CD99L2: variants seen among roughly 807,000 people sequenced by gnomAD.
The protein encoded by CD99L2 is CD99 molecule like 2, also known as CD99 antigen-like protein 2.
Under a neutral mutation model 27.3 loss-of-function variants are expected in CD99L2, and 24 were observed. The observed-to-expected ratio is 0.88, with a 90% confidence interval of 0.64 to 1.24. The LOEUF is 1.24. CD99L2 is among the 50% of genes most tolerant of loss of function. The pLI is 0.00. For missense variants in CD99L2, 255 were observed against 221.6 expected (o/e 1.15, Z -0.96); for synonymous variants, 97 against 87.9 (o/e 1.10, Z -0.58).
At chrX:150,861,141 C>CAAAAAAAAAAAAAAA (rs782255590) in intron 1 of CD99L2, among the ~76,000 whole-genome samples, 1,268 of 40,786 alleles carry the variant, frequency 0.031, 73 homozygotes, top group Non-Finnish European at 0.046. Flanking sequence ...GACTCTGTCT[C>CAAAAAAAAAAAAAAA]AAAAAAAAAA....
chrX:150,872,830 G>T (rs2047177984), intron 1 of CD99L2, among the ~76,000 whole-genome samples: 1 of 111,870 alleles, frequency 8.9e-6, no homozygotes, highest in Non-Finnish European at 1.9e-5. Flanking sequence ...ACAAGGAAAG[G>T]TATGGGAAGG....
At chrX:150,848,441 T>C (rs1316849706) in intron 1 of CD99L2, among the ~76,000 whole-genome samples, 2 of 107,797 alleles carry the variant, frequency 1.9e-5, no homozygotes, top group Non-Finnish European at 3.8e-5. Context: ...TTTTGCAAGA[T>C]AAAAAAGTTA....
At chrX:150,840,877 T>C (rs782406267) in intron 1 of CD99L2, among the ~76,000 whole-genome samples, 1 of 107,807 alleles carries the variant, frequency 9.3e-6, no homozygotes, top group East Asian at 2.9e-4. Context: ...CTCTAATATA[T>C]TGGGGGTGGG....
At chrX:150,897,331 A>T (rs2047628286) in intron 1 of CD99L2, among the ~76,000 whole-genome samples, 1 of 112,606 alleles carries the variant, frequency 8.9e-6, no homozygotes, top group Non-Finnish European at 1.9e-5. Flanking sequence ...TCACTACCGC[A>T]TCATCAGTTC....
chrX:150,775,638 T>G (rs1479322089), intron 9 of CD99L2, among the ~76,000 whole-genome samples: 1 of 112,548 alleles, frequency 8.9e-6, no homozygotes, highest in Non-Finnish European at 1.9e-5. Flanking sequence ...TCCATACAGT[T>G]TGTGGCTCGT....
intron 7 of CD99L2, among the ~76,000 whole-genome samples, chrX:150,783,299 A>ATC (rs2091997036): frequency 9.0e-6 from 1 of 110,595 alleles, no homozygotes; most frequent in East Asian, 2.8e-4. Flanking sequence ...CTTAAAGTAT[A>ATC]TCTCTCTCTC....
chrX:150,857,836 G>T (rs903444587), intron 1 of CD99L2, among the ~76,000 whole-genome samples: 1 of 112,163 alleles, frequency 8.9e-6, no homozygotes, highest in Non-Finnish European at 1.9e-5. Context: ...TGAAACCTCA[G>T]ATATCAATAA....
At chrX:150,879,045 C>T (rs1557422409) in intron 1 of CD99L2, among the ~76,000 whole-genome samples, 1 of 112,059 alleles carries the variant, frequency 8.9e-6, no homozygotes, top group East Asian at 2.8e-4. Context: ...GTCACCCCTT[C>T]CTTCCAATTC....
chrX:150,779,981 CAGAAT>C (rs2045483096), intron 7 of CD99L2, among the ~76,000 whole-genome samples: 1 of 112,051 alleles, frequency 8.9e-6, no homozygotes, highest in Non-Finnish European at 1.9e-5. Flanking sequence ...TGACAACCCA[CAGAAT>C]AGGAGAACAT....
intron 7 of CD99L2, among the ~76,000 whole-genome samples, chrX:150,777,736 C>G (rs1230281286): frequency 3.6e-5 from 4 of 112,290 alleles, no homozygotes; most frequent in African/African-American, 1.3e-4. Flanking sequence ...CTGAGCATGC[C>G]TCACATGCCG....
At chrX:150,775,572 G>A (rs1280366913) in intron 9 of CD99L2, among the ~76,000 whole-genome samples, 1 of 112,600 alleles carries the variant, frequency 8.9e-6, no homozygotes, top group Non-Finnish European at 1.9e-5. Flanking sequence ...GTGGGTCGGG[G>A]GGGAACCACA....
intron 2 of CD99L2, among the ~76,000 whole-genome samples, chrX:150,830,766 A>G (rs1454544569): frequency 9.0e-6 from 1 of 111,423 alleles, no homozygotes; most frequent in Admixed American, 9.5e-5. Context: ...GGATTTAAAT[A>G]TTCAAATTTT....
chrX:150,832,054 T>C (rs1557421082), intron 1 of CD99L2, among the ~76,000 whole-genome samples: 1 of 112,143 alleles, frequency 8.9e-6, no homozygotes, highest in Non-Finnish European at 1.9e-5. Flanking sequence ...CAAATGAACC[T>C]AACAGATATT....
intron 1 of CD99L2, among the ~76,000 whole-genome samples, chrX:150,844,915 G>T (rs2046678359): frequency 9.0e-6 from 1 of 111,540 alleles, no homozygotes; most frequent in African/African-American, 3.3e-5. Flanking sequence ...GATAAATAAG[G>T]GGTCACTGAG....
At chrX:150,893,844 T>C (rs1314091953) in intron 1 of CD99L2, among the ~76,000 whole-genome samples, 2 of 109,515 alleles carry the variant, frequency 1.8e-5, no homozygotes, top group Non-Finnish European at 3.8e-5. Context: ...GCCTCCCGAG[T>C]AGCTGGGACT....
chrX:150,824,582 GAA>G (rs1557420843), intron 2 of CD99L2, among the ~76,000 whole-genome samples: 37 of 99,862 alleles, frequency 3.7e-4, no homozygotes, highest in African/African-American at 1.3e-3. Flanking sequence ...AGGAGGAGGA[GAA>G]GGAGGAGAAG....
At chrX:150,891,626 A>G (rs999712961) in intron 1 of CD99L2, among the ~76,000 whole-genome samples, 54 of 112,065 alleles carry the variant, frequency 4.8e-4, no homozygotes, top group African/African-American at 1.7e-3. Flanking sequence ...GGAGCCTAAC[A>G]TATTCACAGG....
chrX:150,793,807 C>T, intron 6 of CD99L2, 51 bp from the exon 7 acceptor site: 1 of 1,028,007 alleles, frequency 9.7e-7, no homozygotes, highest in Middle Eastern at 2.6e-4. Context: ...AAATCAGCAA[C>T]AAGAAACTTG....
At chrX:150,856,249 C>T (rs144877483) in intron 1 of CD99L2, among the ~76,000 whole-genome samples, 295 of 112,865 alleles carry the variant, frequency 2.6e-3, no homozygotes, top group African/African-American at 8.5e-3. Context: ...CAATTTCCTC[C>T]TGTGTATCAC....
Sources: allele counts gnomAD v4.1 joint callset (sites outside exome capture counted in the v4.1 genomes callset), GRCh38; gene constraint gnomAD v4.1.1; transcripts MANE v1.5; gene names NCBI Gene and HGNC (gene_info 2026-07-23, HGNC 2026-07-21).